The following CTNNA3 variants were observed in gnomAD, a reference collection of about 807,000 sequenced individuals.
CTNNA3 encodes the protein catenin alpha 3, also known as catenin alpha-3.
A neutral mutation model predicts 95.7 loss-of-function variants in CTNNA3; 76 were observed. The ratio of observed to expected loss-of-function variants is 0.79; its 90% CI spans 0.66 to 0.96. The LOEUF is 0.96. CTNNA3 is among the 40% of genes least tolerant of loss of function. CTNNA3 has a pLI of 0.00. For missense variants in CTNNA3, 1,191 were observed against 1,089.8 expected (o/e 1.09, Z -1.31); for synonymous variants, 431 against 374.4 (o/e 1.15, Z -1.74).
At chr10:65,948,149 T>C (rs377171837) in intron 17 of CTNNA3, among the ~76,000 whole-genome samples, 19 of 151,530 alleles carry the variant, frequency 1.3e-4, no homozygotes, top group East Asian at 5.8e-4. Context: ...GGCGTGGTGG[T>C]GGGCGCCTGT....
intron 13 of CTNNA3, among the ~76,000 whole-genome samples, chr10:66,216,237 C>A (rs2088526278): frequency 6.6e-6 from 1 of 152,220 alleles, no homozygotes; most frequent in South Asian, 2.1e-4. Flanking sequence ...TCAATCCGAT[C>A]TTTGTATGTT....
At chr10:66,866,673 C>T (rs117447663) in intron 7 of CTNNA3, among the ~76,000 whole-genome samples, 1,892 of 152,154 alleles carry the variant, frequency 0.012, 26 homozygotes, top group Non-Finnish European at 0.018. Context: ...GGGTAGGAGC[C>T]ACGAGGTATT....
intron 9 of CTNNA3, among the ~76,000 whole-genome samples, chr10:66,676,178 A>G (rs1410403710): frequency 1.3e-5 from 2 of 151,644 alleles, no homozygotes; most frequent in Non-Finnish European, 2.9e-5. Context: ...ACTGGGGGAA[A>G]AAGAAAACGG....
chr10:67,367,246 A>G (rs928483353), intron 5 of CTNNA3, among the ~76,000 whole-genome samples: 13 of 152,342 alleles, frequency 8.5e-5, no homozygotes, highest in African/African-American at 3.1e-4. Flanking sequence ...AGCGAAAAAC[A>G]AATAACCCCA....
In CTNNA3 at chr10:66,294,529, A is replaced by C. The variant is rs184987586; in HGVS notation, c.1733-13908T>G. The stretch of plus-strand genomic sequence containing the variant: ...ATTATGAATATAGAAGTCTTGTATA[A>C]AATAGAAAAGCTGAAACAGGAAGAC... On this transcript the variant is annotated intron_variant, in intron 12 of 17. Coordinates refer to ENST00000433211, the MANE Select transcript of CTNNA3 (RefSeq NM_013266.4). 2.2e-3 allele frequency among the ~76,000 whole-genome samples: 342 copies of C among 152,346 alleles called. 3 individuals are homozygous for C. The East Asian group carries it at 0.023, about 10-fold the overall frequency.
chr10:66,191,780 T>A (rs1278555422), intron 13 of CTNNA3, among the ~76,000 whole-genome samples: 1 of 152,186 alleles, frequency 6.6e-6, no homozygotes, highest in Non-Finnish European at 1.5e-5. Context: ...TAATGGCCCT[T>A]GCTATGGTTT....
rs546567734 is a variant in CTNNA3, at chr10:66,718,280, T to C, written c.1281+47984A>G. 5.9e-5 allele frequency among the ~76,000 whole-genome samples: 9 copies of C among 152,210 alleles called. No individual in the cohort carries two copies. The South Asian group carries it at 1.0e-3, about 18-fold the overall frequency. On this transcript the variant is annotated intron_variant, in intron 9 of 17. Transcript: ENST00000433211. ...TTTTACTGCATTATTTTTTACACAA[T>C]GGCAGCCTAATGAGTTCCCCCGGCA...
intron 13 of CTNNA3, among the ~76,000 whole-genome samples, chr10:66,151,012 G>A (rs933681597): frequency 3.3e-5 from 5 of 151,858 alleles, no homozygotes; most frequent in African/African-American, 1.2e-4. Flanking sequence ...TTTCTCTTAC[G>A]AAGTATAAAC....
intron 5 of CTNNA3, among the ~76,000 whole-genome samples, chr10:67,337,189 G>A (rs1842026626): frequency 6.6e-6 from 1 of 152,090 alleles, no homozygotes; most frequent in African/African-American, 2.4e-5. Context: ...GAGCATTCAC[G>A]ATTCATGGGA....
rs149274545 is a variant in CTNNA3, at chr10:66,263,426, A to G, written c.1884+17044T>C. Among the ~76,000 whole-genome samples the G allele has an allele frequency of 2.7e-3, 404 of 152,176 alleles. 2 individuals are homozygous for G. The highest frequency in any genetic ancestry group is 4.5e-3 in the Non-Finnish European group (309 of 67,938). ...AGAAGTTCTTATCATAACACTATCTATACTGTTTACAATTGTGTCACTTTA... is the reference window on the plus strand; with the variant it reads ...AGAAGTTCTTATCATAACACTATCTGTACTGTTTACAATTGTGTCACTTTA... On this transcript the variant is annotated intron_variant, in intron 13 of 17. Transcript: ENST00000433211.
At chr10:66,298,720 C>T (rs1263127615) in intron 12 of CTNNA3, among the ~76,000 whole-genome samples, 1 of 152,088 alleles carries the variant, frequency 6.6e-6, no homozygotes, top group African/African-American at 2.4e-5. Flanking sequence ...GGCAAGTGAT[C>T]TAGTCAGCCA....
chr10:67,647,352 T>C (rs1839747125), intron 2 of CTNNA3, 63 bp downstream of exon 2: 1 of 1,158,046 alleles, frequency 8.6e-7, no homozygotes, highest in South Asian at 1.5e-5. Context: ...ATTATTCATT[T>C]TTCCCACATA....
chr10:66,675,388 T>C (rs1229768886), intron 9 of CTNNA3, among the ~76,000 whole-genome samples: 1 of 152,012 alleles, frequency 6.6e-6, no homozygotes, highest in African/African-American at 2.4e-5. Flanking sequence ...AGAAAAAAAA[T>C]GAGTTGGTTT....
chr10:65,952,026 C>A (rs1762384730), intron 17 of CTNNA3, among the ~76,000 whole-genome samples: 1 of 93,948 alleles, frequency 1.1e-5, no homozygotes, highest in African/African-American at 5.2e-5. Context: ...CGAGGCTCCG[C>A]CTCAAAAAAA....
At chr10:66,651,647 A>ACT (rs1845903527) in intron 9 of CTNNA3, among the ~76,000 whole-genome samples, 1 of 63,604 alleles carries the variant, frequency 1.6e-5, no homozygotes, top group Non-Finnish European at 2.9e-5. Flanking sequence ...ATTCCAGCGC[A>ACT]GTGCCCGCCG....
At chr10:66,628,016 ACT>A (rs1844998536) in intron 9 of CTNNA3, among the ~76,000 whole-genome samples, 1 of 151,602 alleles carries the variant, frequency 6.6e-6, no homozygotes, top group Non-Finnish European at 1.5e-5. Flanking sequence ...ATCTTCCCAC[ACT>A]CTCGCATTAT....
At chr10:66,260,199 A>G (rs922221726) in intron 13 of CTNNA3, among the ~76,000 whole-genome samples, 1 of 152,150 alleles carries the variant, frequency 6.6e-6, no homozygotes, top group Non-Finnish European at 1.5e-5. Flanking sequence ...AAGAAGGCCA[A>G]AAATGTAACC....
intron 16 of CTNNA3, among the ~76,000 whole-genome samples, chr10:65,987,517 A>G (rs1463848141): frequency 6.6e-6 from 1 of 152,090 alleles, no homozygotes; most frequent in African/African-American, 2.4e-5. Flanking sequence ...AATTGAAAGA[A>G]CAAAAAATAA....
chr10:66,661,212 C>T (rs1339924129), intron 9 of CTNNA3, among the ~76,000 whole-genome samples: 1 of 152,056 alleles, frequency 6.6e-6, no homozygotes, highest in Admixed American at 6.6e-5. Flanking sequence ...CTGATAAAAA[C>T]ATGTCTGAGA....
Sources: allele counts gnomAD v4.1 joint callset (sites outside exome capture counted in the v4.1 genomes callset), GRCh38; gene constraint gnomAD v4.1.1; transcripts MANE v1.5; gene names NCBI Gene and HGNC (gene_info 2026-07-23, HGNC 2026-07-21).